Variants in GALNTL6 observed in about 807,000 individuals in gnomAD.
GALNTL6 encodes the protein polypeptide N-acetylgalactosaminyltransferase like 6.
Under a neutral mutation model 73.7 loss-of-function variants are expected in GALNTL6, and 46 were observed. The ratio of observed to expected loss-of-function variants is 0.62; its 90% CI spans 0.49 to 0.80. The LOEUF is 0.80. Ranked by LOEUF, GALNTL6 falls within the 30% of genes least tolerant of loss-of-function variation. The pLI, the probability that GALNTL6 is intolerant of heterozygous loss-of-function variation, is 0.00. For missense variants in GALNTL6, 604 were observed against 755.0 expected, an observed-to-expected ratio of 0.80 and a Z score of 2.34; for synonymous variants, 259 against 263.7, an observed-to-expected ratio of 0.98 and a Z score of 0.17.
intron 5 of GALNTL6, among the ~76,000 whole-genome samples, chr4:172,805,493 C>T (rs918995711): frequency 6.6e-6 from 1 of 152,046 alleles, no homozygotes; most frequent in African/African-American, 2.4e-5. Flanking sequence ...TTCATTTTTC[C>T]ATATCATCAG....
intron 5 of GALNTL6, among the ~76,000 whole-genome samples, chr4:172,632,796 T>C (rs1357691166): frequency 6.6e-6 from 1 of 152,192 alleles, no homozygotes; most frequent in Non-Finnish European, 1.5e-5. Flanking sequence ...AATGGCTCCA[T>C]GGGCTGAGCC....
intron 8 of GALNTL6, among the ~76,000 whole-genome samples, chr4:172,905,413 AT>A (rs967853397): frequency 2.6e-5 from 4 of 152,226 alleles, no homozygotes; most frequent in African/African-American, 9.6e-5. Flanking sequence ...TTAATATTTA[AT>A]TTTTTACTAT....
intron 2 of GALNTL6, among the ~76,000 whole-genome samples, chr4:172,033,634 GA>G (rs1021124877): frequency 1.5e-4 from 23 of 151,506 alleles, no homozygotes; most frequent in Middle Eastern, 3.4e-3. Flanking sequence ...TAAAATAGTT[GA>G]AAAAAAATCC....
intron 7 of GALNTL6, among the ~76,000 whole-genome samples, chr4:172,842,985 C>T (rs1232387192): frequency 6.6e-6 from 1 of 152,058 alleles, no homozygotes; most frequent in African/African-American, 2.4e-5. Context: ...GGGGGAAATG[C>T]ACTCACTCTT....
intron 7 of GALNTL6, among the ~76,000 whole-genome samples, chr4:172,824,719 G>A (rs895418133): frequency 2.0e-5 from 3 of 152,044 alleles, no homozygotes; most frequent in Non-Finnish European, 4.4e-5. Flanking sequence ...TTGGCTTCAG[G>A]TGAGAAGGCT....
intron 6 of GALNTL6, 29 bp from the exon 7 acceptor site, chr4:172,813,511 A>C: frequency 6.4e-7 from 1 of 1,568,844 alleles, no homozygotes; most frequent in African/African-American, 1.3e-5. Flanking sequence ...CAGGCATGTC[A>C]TTTCCTATTT....
intron 5 of GALNTL6, among the ~76,000 whole-genome samples, chr4:172,395,687 T>C (rs952865458): frequency 2.6e-5 from 4 of 152,150 alleles, no homozygotes; most frequent in Non-Finnish European, 4.4e-5. Flanking sequence ...GAATAATCCC[T>C]GAACTCCAGT....
chr4:172,264,486 A>T (rs1279016589), intron 3 of GALNTL6, among the ~76,000 whole-genome samples: 1 of 134,210 alleles, frequency 7.5e-6, no homozygotes, highest in Non-Finnish European at 1.6e-5. Context: ...ATATATATAT[A>T]TTTATACTTA....
At chr4:171,996,893 C>T (rs1395320118) in intron 2 of GALNTL6, among the ~76,000 whole-genome samples, 2 of 152,070 alleles carry the variant, frequency 1.3e-5, no homozygotes, top group Non-Finnish European at 2.9e-5. Context: ...ATATTTCTCT[C>T]AGATAATTAC....
At chr4:172,932,564 C>G (rs925055797) in intron 9 of GALNTL6, among the ~76,000 whole-genome samples, 1 of 152,114 alleles carries the variant, frequency 6.6e-6, no homozygotes, top group African/African-American at 2.4e-5. Context: ...GAAATACAGG[C>G]TGAGTATCCC....
intron 5 of GALNTL6, among the ~76,000 whole-genome samples, chr4:172,588,293 C>T (rs564442390): frequency 2.5e-4 from 38 of 151,970 alleles, no homozygotes; most frequent in Non-Finnish European, 5.1e-4. Flanking sequence ...GCAGAAGACA[C>T]ATTAAAAAAG....
chr4:171,897,802 C>T (rs890507755), intron 2 of GALNTL6, among the ~76,000 whole-genome samples: 2 of 151,136 alleles, frequency 1.3e-5, no homozygotes, highest in African/African-American at 4.9e-5. Context: ...GTGGCAGGCG[C>T]CTATAATCCC....
Position 172,709,069 on chromosome 4 carries a change from GT to G in GALNTL6, c.554-100288del, listed in dbSNP as rs373304121. On this transcript the variant is annotated intron_variant, in intron 5 of 12. Transcript: ENST00000506823. ...TTATGTCCCTACTCCTTCATTTCAT[GT>G]TTTACCCTGGGTGATTTCATGCCCA... Among the ~76,000 whole-genome samples the G allele has an allele frequency of 2.0e-4, 31 of 152,232 alleles. No homozygotes were observed. In the East Asian group the frequency reaches 4.8e-3, roughly 24 times the overall value.
chr4:172,762,345 G>A (rs138310869), intron 5 of GALNTL6, among the ~76,000 whole-genome samples: 179 of 151,964 alleles, frequency 1.2e-3, no homozygotes, highest in African/African-American at 4.2e-3. Context: ...GAAACTGGCT[G>A]TATGCCATTT....
At chr4:172,352,492 C>A (rs1408722591) in intron 5 of GALNTL6, among the ~76,000 whole-genome samples, 3 of 152,134 alleles carry the variant, frequency 2.0e-5, no homozygotes, top group South Asian at 2.1e-4. Flanking sequence ...AGGCCTATAA[C>A]AAGGCTTCAT....
At chr4:172,316,427 AT>A (rs1419841265) in intron 4 of GALNTL6, among the ~76,000 whole-genome samples, 2 of 152,112 alleles carry the variant, frequency 1.3e-5, no homozygotes, top group African/African-American at 4.8e-5. Flanking sequence ...ACTTTTTATC[AT>A]TTCTTTTTTA....
intron 7 of GALNTL6, among the ~76,000 whole-genome samples, chr4:172,860,464 A>G (rs146802415): frequency 3.0e-4 from 45 of 152,278 alleles, no homozygotes; most frequent in African/African-American, 9.1e-4. Flanking sequence ...TCTTTATTTC[A>G]CAACAACAAA....
rs1186603573 is a variant in GALNTL6, at chr4:173,039,937, G to T, written c.1643G>T (p.Arg548Ile). The change falls in exon 13 of 13, where the codon AGA becomes ATA. Residue 548 changes from arginine to isoleucine, a missense_variant. By Grantham distance (97) the Arg-to-Ile change is moderately conservative (BLOSUM62 -3). Around this residue, in one of 5 missense-constraint regions of GALNTL6, gnomAD observed 261 missense variants for 296.5 expected, o/e 0.88. Transcript: ENST00000506823. ...GNQLWGYRKD[R>I]TLFHPVSNSC... is the part of the protein sequence containing the mutation. ...TTTTCTTCCTCACTCCTCCAGGACA[G>T]AACATTATTCCATCCTGTGAGCAAC... is the stretch of plus-strand genomic sequence containing the variant. The T allele has an allele frequency of 6.2e-7, 1 of 1,612,702 alleles. No individual in the cohort carries two copies.
At chr4:172,796,817 CA>C (rs2110946360) in intron 5 of GALNTL6, among the ~76,000 whole-genome samples, 1 of 152,206 alleles carries the variant, frequency 6.6e-6, no homozygotes, top group South Asian at 2.1e-4. Context: ...GGAATAGGAC[CA>C]ATTCCCAGAT....
Sources: allele counts gnomAD v4.1 joint callset (sites outside exome capture counted in the v4.1 genomes callset), GRCh38; gene constraint gnomAD v4.1.1; regional missense constraint gnomAD v4.1.1; transcripts MANE v1.5; gene names NCBI Gene and HGNC (gene_info 2026-07-23, HGNC 2026-07-21).